Variants in CLEC16A observed in about 807,000 individuals in gnomAD.
CLEC16A encodes the protein C-type lectin domain containing 16A.
Under a neutral mutation model 109.5 loss-of-function variants are expected in CLEC16A, and 51 were observed. The observed-to-expected ratio is 0.47, with a 90% CI of 0.37 to 0.59. The LOEUF (loss-of-function observed/expected upper bound fraction) is 0.59, where lower values mean the gene tolerates loss of function less well. CLEC16A is among the 20% of genes least tolerant of loss of function. CLEC16A has a pLI of 0.00. For synonymous variants in CLEC16A, 673 were observed against 564.2 expected, an observed-to-expected ratio of 1.19 and a Z score of -2.73; for missense variants, 1,339 against 1,394.0, an observed-to-expected ratio of 0.96 and a Z score of 0.63.
chr16:11,026,995 G>T, intron 13 of CLEC16A: 3 of 1,557,476 alleles, frequency 1.9e-6, no homozygotes, highest in Middle Eastern at 2.3e-4. Context: ...GTGGGGTTGC[G>T]CATGATCAGT....
intron 22 of CLEC16A, among the ~76,000 whole-genome samples, chr16:11,127,823 T>C (rs1447955334): frequency 4.6e-5 from 7 of 152,026 alleles, no homozygotes; most frequent in Non-Finnish European, 1.0e-4. Context: ...TGAGCTATGA[T>C]TGTACCATTG....
At chr16:11,086,556 T>C (rs2050020023) in intron 19 of CLEC16A, among the ~76,000 whole-genome samples, 1 of 152,042 alleles carries the variant, frequency 6.6e-6, no homozygotes, top group Admixed American at 6.5e-5. Context: ...TGTTTGTTTG[T>C]TTTGAGACGG....
intron 11 of CLEC16A, among the ~76,000 whole-genome samples, chr16:11,012,846 T>C (rs1450867865): frequency 6.6e-6 from 1 of 152,214 alleles, no homozygotes; most frequent in African/African-American, 2.4e-5. Context: ...TGCATTTGTA[T>C]TATCGTCTAC....
At chr16:11,027,401 G>A in intron 13 of CLEC16A, 2 of 1,433,258 alleles carry the variant, frequency 1.4e-6, no homozygotes, top group East Asian at 4.5e-5. Flanking sequence ...TCACCCCCCA[G>A]AATCTACAAA....
intron 10 of CLEC16A, among the ~76,000 whole-genome samples, chr16:10,987,841 C>T (rs1194655680): frequency 2.0e-5 from 3 of 152,132 alleles, no homozygotes; most frequent in South Asian, 2.1e-4. Context: ...TTCTCCTTCC[C>T]GTAATTTGTA....
At chr16:11,032,987 G>C (rs1000637182) in intron 13 of CLEC16A, among the ~76,000 whole-genome samples, 2 of 152,180 alleles carry the variant, frequency 1.3e-5, no homozygotes, top group African/African-American at 4.8e-5. Flanking sequence ...TAGATGACTG[G>C]GGGTGGGGAT....
At chr16:11,160,192 C>T (rs981189555) in intron 22 of CLEC16A, among the ~76,000 whole-genome samples, 1 of 152,100 alleles carries the variant, frequency 6.6e-6, no homozygotes, top group Non-Finnish European at 1.5e-5. Context: ...AAGTGCAAAG[C>T]GGCACCAACT....
At chr16:10,958,005 T>A (rs2042071723) in intron 2 of CLEC16A, 95 bp downstream of exon 2, 1 of 1,294,266 alleles carries the variant, frequency 7.7e-7, no homozygotes, top group Non-Finnish European at 1.1e-6. Context: ...TGTCAGGATT[T>A]GACGCTAATT....
intron 19 of CLEC16A, among the ~76,000 whole-genome samples, chr16:11,097,169 T>A (rs73503493): frequency 7.1e-4 from 108 of 152,294 alleles, no homozygotes; most frequent in African/African-American, 2.5e-3. Context: ...TAGAACAGGT[T>A]AAAGGACATG....
intron 17 of CLEC16A, among the ~76,000 whole-genome samples, chr16:11,049,863 C>T (rs1271309652): frequency 6.6e-6 from 1 of 152,166 alleles, no homozygotes; most frequent in Non-Finnish European, 1.5e-5. Flanking sequence ...GAACTGCCAC[C>T]CCTGCGGGGT....
Position 11,039,808 on chromosome 16 carries a change from A to C in CLEC16A, c.1592A>C (p.Glu531Ala). ...RIQLPVPNAA[E>A]KTTYNHPLAE... Reference sequence around the variant, plus strand: ...CAGCTCCCCGTGCCAAATGCGGCCGAGAAGACCACCTACAACCACCCGCTA... The same window carrying C: ...CAGCTCCCCGTGCCAAATGCGGCCGCGAAGACCACCTACAACCACCCGCTA... The change falls in exon 14 of 24, where the codon GAG becomes GCG. Residue 531 changes from glutamate (E) to alanine (A), a missense_variant. Glu to Ala is a moderately radical substitution (Grantham distance 107, BLOSUM62 -1). Coordinates refer to ENST00000409790, the MANE Select transcript of CLEC16A (RefSeq NM_015226.3). 7 of 1,611,196 alleles carry C rather than the reference A, an allele frequency of 4.3e-6. No individual in the cohort carries two copies. The highest frequency in any genetic ancestry group is 5.1e-6 in the Non-Finnish European group (6 of 1,178,808).
At chr16:11,000,266 C>A (rs930457051) in intron 10 of CLEC16A, among the ~76,000 whole-genome samples, 1 of 152,220 alleles carries the variant, frequency 6.6e-6, no homozygotes, top group African/African-American at 2.4e-5. Context: ...CTCTGGCCAG[C>A]CCCAGGCGCT....
chr16:11,047,265 C>G, intron 16 of CLEC16A, 27 bp from the exon 17 acceptor site: 1 of 1,591,790 alleles, frequency 6.3e-7, no homozygotes. Flanking sequence ...GAATAATCTC[C>G]TCTTCCCTCC....
At chr16:10,985,219 A>AT (rs58587952) in intron 10 of CLEC16A, among the ~76,000 whole-genome samples, 2,417 of 127,622 alleles carry the variant, frequency 0.019, 25 homozygotes, top group Middle Eastern at 0.079. Flanking sequence ...AAAAAAAAAA[A>AT]AATATATATA....
chr16:11,076,025 A>AT (rs2049352682), intron 19 of CLEC16A, among the ~76,000 whole-genome samples: 1 of 152,126 alleles, frequency 6.6e-6, no homozygotes, highest in Non-Finnish European at 1.5e-5. Flanking sequence ...CATCACATAG[A>AT]TAGAGAACCC....
At chr16:10,971,770 C>CGCTGCACT (rs1408321701) in intron 5 of CLEC16A, among the ~76,000 whole-genome samples, 5 of 152,192 alleles carry the variant, frequency 3.3e-5, no homozygotes, top group Admixed American at 3.3e-4. Flanking sequence ...CCCCACTCTC[C>CGCTGCACT]GCTGCACTGA....
At chr16:11,056,366 G>A (rs1265442305) in intron 18 of CLEC16A, among the ~76,000 whole-genome samples, 1 of 152,216 alleles carries the variant, frequency 6.6e-6, no homozygotes, top group Non-Finnish European at 1.5e-5. Context: ...GACAGTAAGT[G>A]CTCAGGAAGC....
chr16:11,139,123 T>C (rs1251009772), intron 22 of CLEC16A, among the ~76,000 whole-genome samples: 2 of 152,158 alleles, frequency 1.3e-5, no homozygotes, highest in Non-Finnish European at 2.9e-5. Flanking sequence ...CAACAGTCCT[T>C]GTGTGTCTTG....
rs530725641 is a variant in CLEC16A, at chr16:11,174,320, G to T, written c.2807-4015G>T. On this transcript the variant is annotated intron_variant, in intron 23 of 23. Transcript: ENST00000409790. The surrounding 1 kb of genome is among the most constrained non-coding windows in gnomAD (Gnocchi z 4.7). ...GCCGCTCGGGCCGCGACGTCCACTCGCCACGCTGCATTTCCACAGTCGGCA... is the reference window on the plus strand; with the variant it reads ...GCCGCTCGGGCCGCGACGTCCACTCTCCACGCTGCATTTCCACAGTCGGCA... 2.3e-6 allele frequency: 1 copy of T among 431,052 alleles called. No homozygotes were observed. Among genetic ancestry groups the T allele is most frequent in the Non-Finnish European group, 4.8e-6 (1 of 207,494 alleles). The allele number at this position is 431,052 out of a possible 1,614,324, so 26.7% of individuals were successfully genotyped here.
Sources: allele counts gnomAD v4.1 joint callset (sites outside exome capture counted in the v4.1 genomes callset), GRCh38; gene constraint gnomAD v4.1.1; non-coding constraint Gnocchi (gnomAD v3.1); transcripts MANE v1.5; gene names NCBI Gene and HGNC (gene_info 2026-07-23, HGNC 2026-07-21).